Variants in ENPP6 observed in about 807,000 individuals in gnomAD.
ENPP6 encodes the protein glycerophosphocholine cholinephosphodiesterase ENPP6.
ENPP6 carries 32 observed loss-of-function variants against 42.0 expected under a neutral mutation model. The ratio of observed to expected loss-of-function variants is 0.76; its 90% CI spans 0.58 to 1.02. The LOEUF is 1.02. Ranked by LOEUF, ENPP6 falls within the 50% of genes least tolerant of loss-of-function variation. ENPP6 has a pLI of 0.00. For missense variants in ENPP6, 552 were observed against 566.8 expected (o/e 0.97, Z 0.27); for synonymous variants, 213 against 216.0 (o/e 0.99, Z 0.12).
Position 184,184,224 on chromosome 4 carries a change from C to A in ENPP6, c.242-30491G>T, listed in dbSNP as rs1425173434. ...AGAAACGACAACCACAGATTTAGCA[C>A]CAAGAGCTTTAAGTTTGGAATGATT... On this transcript the variant is annotated intron_variant, in intron 1 of 7. Coordinates refer to ENST00000296741, the MANE Select transcript of ENPP6 (RefSeq NM_153343.4). This position sits in a 1 kb window ranked among gnomAD's most constrained non-coding sequence, Gnocchi z 4.7. Among the ~76,000 whole-genome samples the A allele has an allele frequency of 6.6e-6, 1 of 151,940 alleles. No homozygotes were observed. The highest frequency in any genetic ancestry group is 2.4e-5 in the African/African-American group (1 of 41,344).
chr4:184,151,221 C>T (rs549078205), intron 2 of ENPP6, among the ~76,000 whole-genome samples: 2 of 152,268 alleles, frequency 1.3e-5, no homozygotes, highest in East Asian at 3.9e-4. Flanking sequence ...GCCTGTAATC[C>T]CAGCTACTCT....
At chr4:184,144,506 G>T (rs1174440237) in intron 2 of ENPP6, among the ~76,000 whole-genome samples, 2 of 152,208 alleles carry the variant, frequency 1.3e-5, no homozygotes, top group African/African-American at 4.8e-5. Flanking sequence ...GGAACGGATC[G>T]GGGGCAGCCT....
At chr4:184,175,893 G>A (rs148858049) in intron 1 of ENPP6, among the ~76,000 whole-genome samples, 4 of 152,188 alleles carry the variant, frequency 2.6e-5, no homozygotes, top group African/African-American at 9.7e-5. Context: ...ACGTGTTTAC[G>A]AAGGGAGAAG....
At chr4:184,207,511 C>T (rs767141891) in intron 1 of ENPP6, among the ~76,000 whole-genome samples, 1 of 152,206 alleles carries the variant, frequency 6.6e-6, no homozygotes, top group Non-Finnish European at 1.5e-5. Context: ...GTAAGATACA[C>T]TAAAACAGAA....
chr4:184,193,170 C>T (rs1732732742), intron 1 of ENPP6, among the ~76,000 whole-genome samples: 1 of 152,194 alleles, frequency 6.6e-6, no homozygotes. Flanking sequence ...TATATTCACA[C>T]AAAGGCTTGT....
chr4:184,147,023 G>T (rs952310861), intron 2 of ENPP6, among the ~76,000 whole-genome samples: 2 of 152,092 alleles, frequency 1.3e-5, no homozygotes, highest in African/African-American at 4.8e-5. Context: ...TGTATCTCCA[G>T]CCCTCTTCTC....
At chr4:184,202,812 C>T (rs1490366412) in intron 1 of ENPP6, among the ~76,000 whole-genome samples, 1 of 152,200 alleles carries the variant, frequency 6.6e-6, no homozygotes, top group Non-Finnish European at 1.5e-5. Flanking sequence ...GTTGCAACAA[C>T]ATAACTCAGC....
chr4:184,112,615 T>G, intron 6 of ENPP6, 57 bp downstream of exon 6: 1 of 1,554,628 alleles, frequency 6.4e-7, no homozygotes, highest in Non-Finnish European at 8.7e-7. Flanking sequence ...TTATTTAACT[T>G]TGGACTGTTT....
intron 1 of ENPP6, among the ~76,000 whole-genome samples, chr4:184,160,613 TAGTG>T (rs1737243648): frequency 6.6e-6 from 1 of 152,182 alleles, no homozygotes; most frequent in Non-Finnish European, 1.5e-5. Flanking sequence ...ACATAGCACA[TAGTG>T]AGCACTGTTA....
intron 1 of ENPP6, among the ~76,000 whole-genome samples, chr4:184,194,606 G>C (rs1000289597): frequency 1.3e-5 from 2 of 152,232 alleles, no homozygotes; most frequent in Admixed American, 6.5e-5. Flanking sequence ...CTGTGGGACT[G>C]CACAGGTCCC....
chr4:184,126,070 T>C (rs753713482), intron 2 of ENPP6, among the ~76,000 whole-genome samples: 1 of 152,184 alleles, frequency 6.6e-6, no homozygotes, highest in Non-Finnish European at 1.5e-5. Flanking sequence ...CTCTGACACA[T>C]CTGTATGTAA....
chr4:184,138,785 C>T (rs772846467), intron 2 of ENPP6, among the ~76,000 whole-genome samples: 7 of 152,106 alleles, frequency 4.6e-5, no homozygotes, highest in African/African-American at 9.7e-5. Flanking sequence ...CAACTGGGCC[C>T]GAAGTGATGT....
At chr4:184,112,973 A>G (rs958322390) in intron 5 of ENPP6, among the ~76,000 whole-genome samples, 164 bp from the exon 6 acceptor site, 1 of 152,218 alleles carries the variant, frequency 6.6e-6, no homozygotes, top group Admixed American at 6.5e-5. Flanking sequence ...TGTCTGTCTC[A>G]AAAAGCAAGG....
chr4:184,181,437 G>A (rs912224050), intron 1 of ENPP6, among the ~76,000 whole-genome samples: 10 of 152,114 alleles, frequency 6.6e-5, no homozygotes, highest in South Asian at 4.2e-4. Context: ...CATACTGCCC[G>A]AAGTAATTTA....
At chr4:184,208,061 G>A (rs527986367) in intron 1 of ENPP6, among the ~76,000 whole-genome samples, 1 of 141,140 alleles carries the variant, frequency 7.1e-6, no homozygotes, top group African/African-American at 2.6e-5. Flanking sequence ...ACATTCTGAG[G>A]TACTGGAAAC....
intron 2 of ENPP6, among the ~76,000 whole-genome samples, chr4:184,150,232 A>C (rs1444726207): frequency 1.3e-5 from 2 of 152,182 alleles, no homozygotes; most frequent in Non-Finnish European, 2.9e-5. Context: ...GAGGTGGAGT[A>C]TGTTGGACTC....
intron 5 of ENPP6, among the ~76,000 whole-genome samples, chr4:184,115,112 G>A (rs1736291709): frequency 6.6e-6 from 1 of 152,202 alleles, no homozygotes; most frequent in Non-Finnish European, 1.5e-5. Flanking sequence ...GGCTAAAGAG[G>A]TGAGACCCTG....
chr4:184,212,488 A>G (rs1164818320), intron 1 of ENPP6, among the ~76,000 whole-genome samples: 1 of 150,720 alleles, frequency 6.6e-6, no homozygotes, highest in Non-Finnish European at 1.5e-5. Flanking sequence ...TCCCATTCAC[A>G]ATTGCTTCAA....
chr4:184,210,602 C>A (rs1183200905), intron 1 of ENPP6, among the ~76,000 whole-genome samples: 3 of 144,928 alleles, frequency 2.1e-5, no homozygotes, highest in Admixed American at 6.9e-5. Flanking sequence ...CCTGAGTGAC[C>A]TACAAAGAGA....
Sources: gnomAD v4.1 joint callset for allele counts (sites outside exome capture counted in the v4.1 genomes callset) on GRCh38, gnomAD v4.1.1 for gene constraint, Gnocchi (gnomAD v3.1) non-coding constraint, MANE v1.5 for transcripts, NCBI Gene and HGNC (gene_info 2026-07-23, HGNC 2026-07-21) for gene names.